Variants in HDAC2 observed in about 807,000 individuals in gnomAD.
The protein encoded by HDAC2 is histone deacetylase 2, also known as YY1-associated factor 1.
Under a neutral mutation model 68.5 loss-of-function variants are expected in HDAC2, and 5 were observed. That is an observed-to-expected ratio of 0.07 (90% CI 0.04 to 0.15). The LOEUF (loss-of-function observed/expected upper bound fraction) is 0.15. Ranked by LOEUF, HDAC2 falls within the 10% of genes least tolerant of loss-of-function variation. The probability of loss-of-function intolerance (pLI) is 1.00; values close to 1 mark genes in which losing one functional copy is unlikely to be tolerated. For synonymous variants in HDAC2, 182 were observed against 191.3 expected, an observed-to-expected ratio of 0.95 and a Z score of 0.40; for missense variants, 291 against 600.8, an observed-to-expected ratio of 0.48 and a Z score of 5.39.
intron 12 of HDAC2, 148 bp downstream of exon 12, chr6:113,943,203 C>T (rs984658119): frequency 1.7e-6 from 1 of 584,872 alleles, no homozygotes; most frequent in Non-Finnish European, 3.0e-6. Context: ...AGCTAAGTAC[C>T]ACTTATATGT....
intron 8 of HDAC2, 52 bp from the exon 9 acceptor site, chr6:113,946,200 G>A (rs773320877): frequency 2.9e-5 from 42 of 1,464,222 alleles, no homozygotes; most frequent in Non-Finnish European, 3.5e-5. Flanking sequence ...GCAACAGTTC[G>A]AAAAATAAAT....
intron 6 of HDAC2, among the ~76,000 whole-genome samples, chr6:113,949,994 C>G (rs547134238): frequency 2.0e-5 from 3 of 152,202 alleles, no homozygotes; most frequent in Admixed American, 2.0e-4. Flanking sequence ...GTTCAACAGG[C>G]TGGTCTCAAA....
In HDAC2 at chr6:113,946,165, T is replaced by C; in HGVS notation, c.842-17A>G. 2.5e-6 allele frequency: 4 copies of C among 1,604,340 alleles called. No homozygotes were observed. Among genetic ancestry groups the C allele is most frequent in the Non-Finnish European group, 3.4e-6 (4 of 1,174,352 alleles). ...TAGCATGACCTAAGACAAGAAGATT[T>C]GGGTAACAACAAAATCTGCATACTG... On this transcript the variant is annotated splice_polypyrimidine_tract_variant and intron_variant, in intron 8 of 13. Transcript: ENST00000519065.
rs759268095 is a variant in HDAC2 at position 113,946,010 on chromosome 6, T to C, written c.980A>G (p.Asn327Ser). 3.7e-6 allele frequency: 6 copies of C among 1,611,034 alleles called. No individual in the cohort carries two copies. Among genetic ancestry groups the C allele is most frequent in the African/African-American group, 1.3e-5 (1 of 74,958 alleles). ...TAVALDCEIP[N>S]ELPYNDYFEY... ...GATATTGTAATGAGAACACTTACCA[T>C]TGGGAATCTCACAATCAAGGGCAAC... Residue 327 changes from asparagine (N) to serine (S), a missense_variant and splice_region_variant, in exon 9 of 14, where the codon AAT becomes AGT. This residue lies in a region of HDAC2 where 154 missense variants were observed against 472.1 expected (regional missense o/e 0.33). Transcript: ENST00000519065.
Position 113,939,190 on chromosome 6 carries a change from T to C in HDAC2, c.*1868A>G, listed in dbSNP as rs533056332. On this transcript the variant is annotated 3_prime_UTR_variant, in exon 14 of 14. Coordinates refer to ENST00000519065, the MANE Select transcript of HDAC2 (RefSeq NM_001527.4). ...GGTGACTCTACCACAGCCCCTGTTG[T>C]CCTGTGAGCTGCAGGCACTGGGAAA... The C allele has an allele frequency of 2.0e-5, 3 of 152,540 alleles. No homozygotes were observed. In the South Asian group the frequency reaches 6.2e-4, roughly 32 times the overall value. The allele number at this position is 152,540 out of a possible 1,614,324, so 9.4% of individuals were successfully genotyped here. A position where few individuals can be genotyped will look rare whatever the true frequency, so the allele number is the denominator to read the frequency against.
Position 113,953,268 on chromosome 6 carries a change from T to C in HDAC2, c.639+9A>G, listed in dbSNP as rs779601075. 1.2e-5 allele frequency: 20 copies of C among 1,600,516 alleles called. No individual in the cohort carries two copies. Among genetic ancestry groups the C allele is most frequent in the Non-Finnish European group, 1.5e-5 (18 of 1,169,928 alleles). ...TCACAATATTTTTTCAGACAGAATT[T>C]AGTCTTACCCTCAAGTCTCCTGTGC... On this transcript the variant is annotated intron_variant, in intron 6 of 13. Coordinates refer to ENST00000519065, the MANE Select transcript of HDAC2 (RefSeq NM_001527.4).
chr6:113,936,547 C>T lies in HDAC2; in HGVS notation c.*4511G>A, dbSNP rs1238926796. On this transcript the variant is annotated 3_prime_UTR_variant, in exon 14 of 14. Transcript: ENST00000519065. Reference sequence around the variant, plus strand: ...AAATCAGGTCTCCAAAAGATTGCTTCTCTATCCACTATGACCTAGTAGTCT... The same window carrying T: ...AAATCAGGTCTCCAAAAGATTGCTTTTCTATCCACTATGACCTAGTAGTCT... 1 of 152,124 alleles carries T rather than the reference C, an allele frequency of 6.6e-6. No homozygotes were observed. The highest frequency in any genetic ancestry group is 2.4e-5 in the African/African-American group (1 of 41,422). The allele number at this position is 152,124 out of a possible 1,614,324, so 9.4% of individuals were successfully genotyped here. A position where few individuals can be genotyped will look rare whatever the true frequency, so the allele number is the denominator to read the frequency against.
chr6:113,953,064 A>G (rs973856058), intron 6 of HDAC2, among the ~76,000 whole-genome samples: 1 of 152,244 alleles, frequency 6.6e-6, no homozygotes, highest in African/African-American at 2.4e-5. Flanking sequence ...CAAAGAAAAC[A>G]GCTGAGAAAA....
At chr6:113,946,169 TAAC>T in intron 8 of HDAC2, 21 bp from the exon 9 acceptor site, 4 of 1,602,436 alleles carry the variant, frequency 2.5e-6, no homozygotes, top group Non-Finnish European at 2.6e-6. Context: ...AAGATTTGGG[TAAC>T]AACAAAATCT....
chr6:113,953,855 AT>A (rs1235814933), intron 5 of HDAC2, among the ~76,000 whole-genome samples: 1 of 152,230 alleles, frequency 6.6e-6, no homozygotes, highest in Non-Finnish European at 1.5e-5. Flanking sequence ...AGTTTTTATT[AT>A]TTTTTAAATG....
Position 113,970,992 on chromosome 6 carries a change from GA to G in HDAC2, c.-85del. 6.3e-7 allele frequency: 1 copy of G among 1,574,992 alleles called. No homozygotes were observed. Among genetic ancestry groups the G allele is most frequent in the Non-Finnish European group, 8.6e-7 (1 of 1,160,180 alleles). ...CTGCCGCCGCGGCTCGGCCGGGAGA[GA>G]AAAGGGCTGAGGGAAACGTGGGGGC... is the stretch of plus-strand genomic sequence containing the variant. On this transcript the variant is annotated 5_prime_UTR_variant, in exon 1 of 14. Coordinates refer to ENST00000519065, the MANE Select transcript of HDAC2 (RefSeq NM_001527.4).
At chr6:113,956,815 C>A in intron 3 of HDAC2, 122 bp from the exon 4 acceptor site, 3 of 668,784 alleles carry the variant, frequency 4.5e-6, no homozygotes, top group Non-Finnish European at 8.0e-6. Context: ...ATACACTTCA[C>A]AGTATAATAT....
chr6:113,962,769 C>G (rs1776716968), intron 1 of HDAC2, among the ~76,000 whole-genome samples: 1 of 151,768 alleles, frequency 6.6e-6, no homozygotes. Flanking sequence ...CGAGACCTTC[C>G]TGACAAACAT....
In HDAC2 at chr6:113,971,095, G is replaced by A. The variant is rs1183036346; in HGVS notation, c.-187C>T. ...GGAAGGCTCGGTACCACCCGGCAGA[G>A]GTGCCGAAAGCTCGGAATCGGAGGT... On this transcript the variant is annotated 5_prime_UTR_variant, in exon 1 of 14. Transcript: ENST00000519065. 1.9e-6 allele frequency: 3 copies of A among 1,549,230 alleles called. No homozygotes were observed. Among genetic ancestry groups the A allele is most frequent in the South Asian group, 2.4e-5 (2 of 84,286 alleles).
At chr6:113,960,318 T>A (rs896284448) in intron 1 of HDAC2, among the ~76,000 whole-genome samples, 1 of 152,096 alleles carries the variant, frequency 6.6e-6, no homozygotes, top group African/African-American at 2.4e-5. Context: ...CTTGAAATGA[T>A]GCCTGCTTTC....
At chr6:113,942,878 T>G (rs1776169399) in intron 12 of HDAC2, among the ~76,000 whole-genome samples, 1 of 152,072 alleles carries the variant, frequency 6.6e-6, no homozygotes. Flanking sequence ...TTCCTCAGAG[T>G]TTTTAATGTT....
At chr6:113,968,262 G>A (rs1163581349) in intron 1 of HDAC2, 1 of 152,000 alleles carries the variant, frequency 6.6e-6, no homozygotes, top group Non-Finnish European at 1.5e-5. Flanking sequence ...TCTAACCTAG[G>A]CTAGCAGATA....
chr6:113,961,840 A>G (rs1582495225), intron 1 of HDAC2, among the ~76,000 whole-genome samples: 1 of 152,206 alleles, frequency 6.6e-6, no homozygotes, highest in East Asian at 1.9e-4. Context: ...AGATTCTATG[A>G]GGTTTCGTGG....
intron 2 of HDAC2, among the ~76,000 whole-genome samples, chr6:113,959,359 C>T (rs186148336): frequency 3.5e-4 from 53 of 152,006 alleles, no homozygotes; most frequent in African/African-American, 1.3e-3. Flanking sequence ...TCTTTTCTCC[C>T]CAAATAGCTA....
Sources: gnomAD v4.1 joint callset for allele counts (sites outside exome capture counted in the v4.1 genomes callset) on GRCh38, gnomAD v4.1.1 for gene constraint, gnomAD v4.1.1 regional missense constraint, MANE v1.5 for transcripts, NCBI Gene and HGNC (gene_info 2026-07-23, HGNC 2026-07-21) for gene names.